The following SCN1A variants were observed in gnomAD, a reference collection of about 807,000 sequenced individuals.
The protein encoded by SCN1A is sodium channel protein type 1 subunit alpha.
Under a neutral mutation model 193.7 loss-of-function variants are expected in SCN1A, and 13 were observed. The ratio of observed to expected loss-of-function variants is 0.07; its 90% CI spans 0.04 to 0.11. SCN1A has a LOEUF of 0.11. Ranked by LOEUF, SCN1A falls within the 10% of genes least tolerant of loss-of-function variation. The pLI is 1.00. For synonymous variants in SCN1A, 781 were observed against 843.6 expected, an observed-to-expected ratio of 0.93 and a Z score of 1.29; for missense variants, 1,432 against 2,451.1, an observed-to-expected ratio of 0.58 and a Z score of 8.78.
At chr2:166,113,993 A>G (rs2106209185) in intron 2 of SCN1A, among the ~76,000 whole-genome samples, 1 of 152,300 alleles carries the variant, frequency 6.6e-6, no homozygotes, top group East Asian at 1.9e-4. Flanking sequence ...TCTTTCTTAG[A>G]TAATAACAAA....
intron 2 of SCN1A, among the ~76,000 whole-genome samples, chr2:166,093,631 CCATG>C (rs1394128832): frequency 6.6e-6 from 1 of 152,190 alleles, no homozygotes; most frequent in Non-Finnish European, 1.5e-5. Flanking sequence ...GCGTGAGCCA[CCATG>C]CATGGCCTGA....
At chr2:165,993,925 T>C (rs534210761) in intron 28 of SCN1A, 1 of 573,960 alleles carries the variant, frequency 1.7e-6, no homozygotes, top group East Asian at 2.8e-5. Context: ...GAGGTTTTAC[T>C]ACATTTACAC....
intron 2 of SCN1A, among the ~76,000 whole-genome samples, chr2:166,079,073 A>T (rs936217928): frequency 6.6e-6 from 1 of 151,650 alleles, no homozygotes; most frequent in Non-Finnish European, 1.5e-5. Flanking sequence ...AAAGAAACTT[A>T]TTCTTTATTT....
chr2:166,101,577 C>T (rs1688087478), intron 2 of SCN1A, among the ~76,000 whole-genome samples: 1 of 150,610 alleles, frequency 6.6e-6, no homozygotes, highest in African/African-American at 2.4e-5. Context: ...TAAAGTCACA[C>T]ACATACGACG....
At chr2:166,078,559 A>G (rs1180730659) in intron 2 of SCN1A, among the ~76,000 whole-genome samples, 4 of 151,718 alleles carry the variant, frequency 2.6e-5, no homozygotes, top group Non-Finnish European at 5.9e-5. Flanking sequence ...AAACTAGTCT[A>G]TTTCAAAGAG....
At chr2:166,064,750 C>T (rs1371086626) in intron 4 of SCN1A, among the ~76,000 whole-genome samples, 1 of 152,086 alleles carries the variant, frequency 6.6e-6, no homozygotes, top group Non-Finnish European at 1.5e-5. Context: ...TAAGCTGTAA[C>T]TTTGTGTTTC....
At chr2:165,994,874 G>T (rs1689805446) in intron 27 of SCN1A, among the ~76,000 whole-genome samples, 1 of 151,588 alleles carries the variant, frequency 6.6e-6, no homozygotes, top group African/African-American at 2.4e-5. Flanking sequence ...TTGTTAAGGA[G>T]AATTTGGAAT....
At chr2:166,003,024 G>A in intron 23 of SCN1A, 1 of 241,696 alleles carries the variant, frequency 4.1e-6, no homozygotes, top group Non-Finnish European at 7.8e-6. Flanking sequence ...AAAGGTTAAA[G>A]GAAAAGGAAA....
chr2:166,042,517 C>T, intron 14 of SCN1A, 93 bp from the exon 15 acceptor site: 3 of 1,117,848 alleles, frequency 2.7e-6, no homozygotes, highest in African/African-American at 1.5e-5. Flanking sequence ...TCATGAAACA[C>T]ATGCATCATG....
At chr2:166,058,524 C>T (rs753599404) in intron 5 of SCN1A, 46 bp downstream of exon 5, 4 of 1,100,248 alleles carry the variant, frequency 3.6e-6, no homozygotes, top group South Asian at 1.3e-5. Context: ...AAAGTGCTTA[C>T]AGATCATGTA....
Position 166,056,392 on chromosome 2 carries a change from A to G in SCN1A, c.473+19T>C, listed in dbSNP as rs752505011. On this transcript the variant is annotated intron_variant, in intron 6 of 28. Transcript: ENST00000674923. ...ATCCCAAATGTATATATGTTATTAA[A>G]AATATAAGTTGAACTTACTCTACAT... 7.0e-7 allele frequency: 1 copy of G among 1,426,298 alleles called. No homozygotes were observed. The highest frequency in any genetic ancestry group is 9.9e-7 in the Non-Finnish European group (1 of 1,009,672). The allele number at this position is 1,426,298 out of a possible 1,614,324, so 88.4% of individuals were successfully genotyped here.
At chr2:166,044,710 C>G (rs545399772) in intron 13 of SCN1A, among the ~76,000 whole-genome samples, 1 of 95,812 alleles carries the variant, frequency 1.0e-5, no homozygotes, top group African/African-American at 4.6e-5. Flanking sequence ...ATCGACTATC[C>G]GGAGTTCCAC....
At chr2:166,087,494 C>T (rs11885663) in intron 2 of SCN1A, among the ~76,000 whole-genome samples, 33,383 of 151,866 alleles carry the variant, frequency 0.22, 3,849 homozygotes, top group Middle Eastern at 0.47. Context: ...GCCTGGCACC[C>T]CACCCTGTCT....
At chr2:166,023,228 C>G (rs1053660065) in intron 19 of SCN1A, among the ~76,000 whole-genome samples, 4 of 152,166 alleles carry the variant, frequency 2.6e-5, no homozygotes, top group Non-Finnish European at 5.9e-5. Flanking sequence ...TTTATACAGC[C>G]AAACCACATC....
upstream of SCN1A, among the ~76,000 whole-genome samples, chr2:166,130,439 G>A (rs928273490): frequency 2.0e-5 from 3 of 152,116 alleles, no homozygotes; most frequent in South Asian, 4.1e-4. Flanking sequence ...CCTTTCTTCC[G>A]CCTCCATGTC....
intron 12 of SCN1A, 96 bp downstream of exon 12, chr2:166,046,674 A>T: frequency 2.6e-6 from 3 of 1,154,650 alleles, no homozygotes; most frequent in Non-Finnish European, 3.9e-6. Flanking sequence ...TTAATTCCTC[A>T]TACAACCACC....
At chr2:166,072,715 A>C (rs1684552666) in intron 4 of SCN1A, among the ~76,000 whole-genome samples, 1 of 151,948 alleles carries the variant, frequency 6.6e-6, no homozygotes, top group Non-Finnish European at 1.5e-5. Flanking sequence ...AAGTACAGAA[A>C]GTACAAAAAA....
intron 2 of SCN1A, among the ~76,000 whole-genome samples, chr2:166,110,472 G>T (rs910747458): frequency 7.9e-5 from 12 of 152,196 alleles, no homozygotes; most frequent in Admixed American, 3.9e-4. Flanking sequence ...CTGAACAAAA[G>T]ATTGAACCAG....
intron 1 of SCN1A, among the ~76,000 whole-genome samples, chr2:166,139,049 T>C (rs1691977326): frequency 6.6e-6 from 1 of 152,196 alleles, no homozygotes; most frequent in African/African-American, 2.4e-5. Flanking sequence ...ATTTCTCCCA[T>C]TTTGAATGGC....
Sources: gnomAD v4.1 joint callset for allele counts (sites outside exome capture counted in the v4.1 genomes callset) on GRCh38, gnomAD v4.1.1 for gene constraint, MANE v1.5 for transcripts, NCBI Gene and HGNC (gene_info 2026-07-23, HGNC 2026-07-21) for gene names.